Variants in AADACL4 observed in about 807,000 individuals in gnomAD.
AADACL4 encodes the protein arylacetamide deacetylase-like 4.
Under a neutral mutation model 14.1 loss-of-function variants are expected in AADACL4, and 9 were observed. The ratio of observed to expected loss-of-function variants is 0.64; its 90% confidence interval spans 0.39 to 1.12. The LOEUF is 1.12. AADACL4 is among the 50% of genes most tolerant of loss of function. The pLI, the probability that AADACL4 is intolerant of heterozygous loss-of-function variation, is 0.01. For synonymous variants in AADACL4, 188 were observed against 201.6 expected (o/e 0.93, Z 0.57); for missense variants, 531 against 516.1 (o/e 1.03, Z -0.28).
At chr1:12,659,372 C>A (rs748173215) in intron 2 of AADACL4, among the ~76,000 whole-genome samples, 1 of 152,152 alleles carries the variant, frequency 6.6e-6, no homozygotes, top group Non-Finnish European at 1.5e-5. Flanking sequence ...TGACCTCAGG[C>A]TCAATGGATG....
intron 1 of AADACL4, among the ~76,000 whole-genome samples, chr1:12,648,410 T>C (rs1255121150): frequency 6.6e-6 from 1 of 150,564 alleles, no homozygotes; most frequent in Non-Finnish European, 1.5e-5. Context: ...TCTTTCCTTT[T>C]TTTTGAGATG....
At chr1:12,660,093 C>T (rs899962255) in intron 2 of AADACL4, among the ~76,000 whole-genome samples, 5 of 152,224 alleles carry the variant, frequency 3.3e-5, no homozygotes, top group Non-Finnish European at 7.3e-5. Context: ...GTTGGGGTTA[C>T]AGGAGTGAGC....
At chr1:12,650,445 T>A (rs1647137549) in intron 1 of AADACL4, among the ~76,000 whole-genome samples, 1 of 152,036 alleles carries the variant, frequency 6.6e-6, no homozygotes, top group Admixed American at 6.5e-5. Flanking sequence ...GGTGAGGAAC[T>A]ATCTTTGCAT....
intron 2 of AADACL4, among the ~76,000 whole-genome samples, chr1:12,658,505 C>T (rs530384853): frequency 2.6e-5 from 4 of 152,306 alleles, no homozygotes; most frequent in Admixed American, 6.5e-5. Flanking sequence ...GTGATCCACC[C>T]GCCTTGGCCT....
At chr1:12,665,024 G>A (rs963492600) in intron 3 of AADACL4, among the ~76,000 whole-genome samples, 3 of 151,916 alleles carry the variant, frequency 2.0e-5, no homozygotes, top group Non-Finnish European at 2.9e-5. Context: ...CTAGCTTTCC[G>A]TCTCTACATT....
intron 3 of AADACL4, among the ~76,000 whole-genome samples, chr1:12,662,688 A>T (rs544293555): frequency 5.6e-4 from 85 of 152,268 alleles, no homozygotes; most frequent in African/African-American, 1.9e-3. Context: ...TTTAGATTCT[A>T]CCTCTACAAT....
At chr1:12,648,146 A>G (rs1647122901) in intron 1 of AADACL4, among the ~76,000 whole-genome samples, 1 of 150,556 alleles carries the variant, frequency 6.6e-6, no homozygotes, top group Non-Finnish European at 1.5e-5. Context: ...AATTTTTTGT[A>G]TTTTTAGTAG....
intron 1 of AADACL4, among the ~76,000 whole-genome samples, chr1:12,646,802 C>T (rs934654061): frequency 3.9e-5 from 6 of 152,214 alleles, no homozygotes; most frequent in African/African-American, 1.2e-4. Context: ...CGTCCTCTCT[C>T]GATCCCTCCG....
chr1:12,664,425 G>A (rs866106614), intron 3 of AADACL4, among the ~76,000 whole-genome samples: 1 of 150,854 alleles, frequency 6.6e-6, no homozygotes, highest in African/African-American at 2.4e-5. Flanking sequence ...GGAGTGCAGT[G>A]GCACAATCTC....
At chr1:12,648,489 C>A (rs895716566) in intron 1 of AADACL4, among the ~76,000 whole-genome samples, 2 of 151,668 alleles carry the variant, frequency 1.3e-5, no homozygotes, top group Admixed American at 1.3e-4. Context: ...CGCCATCTTC[C>A]GGGTTCAAGT....
At chr1:12,660,608 C>T (rs994744797) in intron 2 of AADACL4, among the ~76,000 whole-genome samples, 1 of 152,122 alleles carries the variant, frequency 6.6e-6, no homozygotes, top group African/African-American at 2.4e-5. Context: ...TATTCATACC[C>T]AGATCATACC....
chr1:12,664,750 C>G (rs865800965), intron 3 of AADACL4, among the ~76,000 whole-genome samples: 6 of 152,212 alleles, frequency 3.9e-5, no homozygotes, highest in Admixed American at 6.5e-5. Flanking sequence ...TAGATAAACT[C>G]TCTACTCCAA....
chr1:12,657,594 G>T (rs1647184749), intron 2 of AADACL4, among the ~76,000 whole-genome samples: 1 of 152,190 alleles, frequency 6.6e-6, no homozygotes, highest in South Asian at 2.1e-4. Context: ...AGAAAAGAGT[G>T]CAGGCAGACT....
intron 2 of AADACL4, 30 bp from the exon 3 acceptor site, chr1:12,661,761 G>C (rs766728790): frequency 1.9e-6 from 3 of 1,610,160 alleles, no homozygotes; most frequent in Non-Finnish European, 8.5e-7. Context: ...CTACTCATGC[G>C]CTGCTGCTCT....
intron 3 of AADACL4, among the ~76,000 whole-genome samples, chr1:12,665,015 T>C (rs531291343): frequency 2.0e-4 from 30 of 152,236 alleles, no homozygotes; most frequent in African/African-American, 7.2e-4. Flanking sequence ...GTTTCCAGGC[T>C]AGCTTTCCGT....
chr1:12,644,115 G>T lies in AADACL4; in HGVS notation c.-432G>T, dbSNP rs558481518. On this transcript the variant is annotated 5_prime_UTR_variant, in exon 1 of 4. Transcript: ENST00000376221. Reference sequence around the variant, plus strand: ...GCTAGCTAGGGAGCTGGGGTGAGACGTGCTGTGCTCACCCTAACCACACTC... The same window carrying T: ...GCTAGCTAGGGAGCTGGGGTGAGACTTGCTGTGCTCACCCTAACCACACTC... 6.6e-5 allele frequency among the ~76,000 whole-genome samples: 10 copies of T among 152,304 alleles called. No homozygotes were observed. In the South Asian group the frequency reaches 1.5e-3, roughly 22 times the overall value.
chr1:12,651,083 C>A, intron 1 of AADACL4, 40 bp from the exon 2 acceptor site: 1 of 1,576,352 alleles, frequency 6.3e-7, no homozygotes, highest in Non-Finnish European at 8.7e-7. Flanking sequence ...CAGATTCTAA[C>A]CTCTCCTAAC....
intron 2 of AADACL4, among the ~76,000 whole-genome samples, chr1:12,655,616 C>A (rs1281288285): frequency 6.6e-6 from 1 of 151,992 alleles, no homozygotes; most frequent in Non-Finnish European, 1.5e-5. Flanking sequence ...GTTTCACCAA[C>A]GACTGAAGCC....
intron 2 of AADACL4, among the ~76,000 whole-genome samples, chr1:12,655,038 C>A (rs898671083): frequency 6.6e-6 from 1 of 152,182 alleles, no homozygotes; most frequent in African/African-American, 2.4e-5. Flanking sequence ...AAGCAGAATA[C>A]ATGTCAGTAC....
Sources: gnomAD v4.1 joint callset for allele counts (sites outside exome capture counted in the v4.1 genomes callset) on GRCh38, gnomAD v4.1.1 for gene constraint, MANE v1.5 for transcripts, NCBI Gene and HGNC (gene_info 2026-07-23, HGNC 2026-07-21) for gene names.